The following ANK2 variants were observed in gnomAD, a reference collection of about 807,000 sequenced individuals.
The protein encoded by ANK2 is ankyrin-2.
Under a neutral mutation model 360.5 loss-of-function variants are expected in ANK2, and 83 were observed. That is an observed-to-expected ratio of 0.23 (90% CI 0.19 to 0.28). ANK2 has a LOEUF of 0.28. Ranked by LOEUF, ANK2 falls within the 10% of genes least tolerant of loss-of-function variation. The pLI is 1.00. For synonymous variants in ANK2, 1,740 were observed against 1,759.5 expected (o/e 0.99, Z 0.28); for missense variants, 4,201 against 4,795.7 (o/e 0.88, Z 3.66).
At chr4:112,973,664 G>A (rs1427826116) in intron 2 of ANK2, among the ~76,000 whole-genome samples, 4 of 152,168 alleles carry the variant, frequency 2.6e-5, no homozygotes, top group Admixed American at 2.6e-4. Context: ...CTGTAATTTA[G>A]GATAGTGACT....
intron 10 of ANK2, among the ~76,000 whole-genome samples, chr4:113,252,071 A>C (rs2046754416): frequency 6.6e-6 from 1 of 152,160 alleles, no homozygotes; most frequent in Admixed American, 6.5e-5. Flanking sequence ...GTTCCACCTG[A>C]GGAGGAACTC....
intron 1 of ANK2, among the ~76,000 whole-genome samples, chr4:113,159,417 G>T (rs1172838425): frequency 6.6e-6 from 1 of 151,888 alleles, no homozygotes; most frequent in Non-Finnish European, 1.5e-5. Context: ...TATTTAGAAG[G>T]TTAATTAATC....
intron 1 of ANK2, among the ~76,000 whole-genome samples, chr4:112,834,736 A>G (rs1203120991): frequency 1.3e-5 from 2 of 152,156 alleles, no homozygotes; most frequent in Non-Finnish European, 2.9e-5. Context: ...GTCTTTTTGC[A>G]GTTGGATTGT....
intron 1 of ANK2, among the ~76,000 whole-genome samples, chr4:113,090,053 A>G (rs1475885455): frequency 6.6e-6 from 1 of 152,204 alleles, no homozygotes; most frequent in African/African-American, 2.4e-5. Flanking sequence ...TTGGGCAGTT[A>G]ATAGTATTAC....
intron 39 of ANK2, among the ~76,000 whole-genome samples, chr4:113,362,874 A>G (rs1488894346): frequency 6.6e-6 from 1 of 152,192 alleles, no homozygotes; most frequent in Admixed American, 6.6e-5. Context: ...CATTTATCCA[A>G]CCACCATAAT....
intron 4 of ANK2, among the ~76,000 whole-genome samples, 190 bp from the exon 5 acceptor site, chr4:113,231,971 T>C (rs539599224): frequency 6.6e-6 from 1 of 152,348 alleles, no homozygotes; most frequent in African/African-American, 2.4e-5. Context: ...AAGACTTTCC[T>C]CATTGCTTTA....
intron 4 of ANK2, among the ~76,000 whole-genome samples, chr4:113,223,327 C>G (rs564235773): frequency 6.6e-6 from 1 of 152,136 alleles, no homozygotes; most frequent in Non-Finnish European, 1.5e-5. Context: ...TTGACGTTGA[C>G]CTGCCTGCAA....
intron 1 of ANK2, among the ~76,000 whole-genome samples, chr4:112,846,104 A>G (rs894865397): frequency 7.3e-5 from 11 of 151,716 alleles, no homozygotes; most frequent in African/African-American, 2.7e-4. Context: ...TTTCCTTCCT[A>G]TTAAATTTTT....
the ANK2 span, among the ~76,000 whole-genome samples, chr4:112,735,911 A>T: frequency 3.3e-5 from 5 of 152,152 alleles, no homozygotes; most frequent in African/African-American, 1.2e-4. Flanking sequence ...TAGGTGACTC[A>T]TATAAGTGGA....
chr4:112,871,950 G>A (rs758831923), intron 1 of ANK2, among the ~76,000 whole-genome samples: 4 of 151,722 alleles, frequency 2.6e-5, no homozygotes, highest in African/African-American at 7.3e-5. Flanking sequence ...GACTCCACTC[G>A]GTTGTGATAT....
chr4:113,065,864 T>C (rs985957105), intron 1 of ANK2, among the ~76,000 whole-genome samples: 1 of 152,168 alleles, frequency 6.6e-6, no homozygotes, highest in African/African-American at 2.4e-5. Context: ...TGAGAACTTG[T>C]CGTACCGGTG....
At chr4:113,082,141 T>C (rs2082644393) in intron 1 of ANK2, among the ~76,000 whole-genome samples, 1 of 152,186 alleles carries the variant, frequency 6.6e-6, no homozygotes, top group Non-Finnish European at 1.5e-5. Context: ...TTAGTTCTAT[T>C]AATAAGATTT....
At chr4:112,872,521 G>C (rs1017669768) in intron 1 of ANK2, among the ~76,000 whole-genome samples, 3 of 152,070 alleles carry the variant, frequency 2.0e-5, no homozygotes, top group Non-Finnish European at 4.4e-5. Context: ...ATTTTTAATA[G>C]AGACGAGGTT....
At chr4:112,783,704 T>C in the ANK2 span, among the ~76,000 whole-genome samples, 2 of 151,800 alleles carry the variant, frequency 1.3e-5, no homozygotes, top group Admixed American at 1.3e-4. Context: ...CAGGTTGGAA[T>C]GCAGTGGCGC....
the ANK2 span, among the ~76,000 whole-genome samples, chr4:112,810,242 T>C: frequency 6.8e-6 from 1 of 147,398 alleles, no homozygotes; most frequent in Admixed American, 6.9e-5. Context: ...CCTCAGGTGA[T>C]CCACCTGCCT....
At chr4:113,097,809 A>G (rs985924585) in intron 1 of ANK2, among the ~76,000 whole-genome samples, 5 of 149,832 alleles carry the variant, frequency 3.3e-5, no homozygotes, top group Non-Finnish European at 6.0e-5. Flanking sequence ...AACCCAAAAT[A>G]GCTATAGATA....
At chr4:113,311,937 C>T (rs949590875) in intron 24 of ANK2, among the ~76,000 whole-genome samples, 16 of 152,116 alleles carry the variant, frequency 1.1e-4, no homozygotes, top group Admixed American at 8.5e-4. Flanking sequence ...ATACAAGAAA[C>T]AATCGGAGCA....
intron 1 of ANK2, among the ~76,000 whole-genome samples, chr4:113,108,037 A>G (rs1234101403): frequency 2.6e-5 from 4 of 152,204 alleles, no homozygotes; most frequent in Non-Finnish European, 4.4e-5. Context: ...TGAAACACGT[A>G]AGTTGGACAT....
At chr4:112,764,832 C>T in the ANK2 span, among the ~76,000 whole-genome samples, 4 of 151,732 alleles carry the variant, frequency 2.6e-5, no homozygotes, top group South Asian at 2.1e-4. Flanking sequence ...CTCAGCCTCC[C>T]GAGTAGCTGG....
Sources: allele counts gnomAD v4.1 joint callset (sites outside exome capture counted in the v4.1 genomes callset), GRCh38; gene constraint gnomAD v4.1.1; transcripts MANE v1.5; gene names NCBI Gene and HGNC (gene_info 2026-07-23, HGNC 2026-07-21).